Variants in KCNMB2 observed in about 807,000 individuals in gnomAD.
The protein encoded by KCNMB2 is potassium calcium-activated channel subfamily M regulatory beta subunit 2.
Under a neutral mutation model 24.5 loss-of-function variants are expected in KCNMB2, and 9 were observed. That is an observed-to-expected ratio of 0.37 (90% confidence interval 0.22 to 0.64). The LOEUF (loss-of-function observed/expected upper bound fraction) is 0.64, where lower values mean the gene tolerates loss of function less well. Ranked by LOEUF, KCNMB2 falls within the 30% of genes least tolerant of loss-of-function variation. The pLI is 0.63. For missense variants in KCNMB2, 226 were observed against 284.3 expected (o/e 0.79, Z 1.47); for synonymous variants, 109 against 104.4 (o/e 1.04, Z -0.27).
At chr3:178,822,695 A>C (rs1714679964) in intron 2 of KCNMB2, among the ~76,000 whole-genome samples, 2 of 152,200 alleles carry the variant, frequency 1.3e-5, no homozygotes, top group South Asian at 4.1e-4. Context: ...TTTGGGCTGT[A>C]TGAAAATCAT....
At chr3:178,743,983 C>T (rs7624046) in intron 1 of KCNMB2, among the ~76,000 whole-genome samples, 72,885 of 152,048 alleles carry the variant, frequency 0.48, 17,817 homozygotes, top group African/African-American at 0.59. Flanking sequence ...AATTTTAGTT[C>T]AGAGGGTATA....
chr3:178,786,271 G>A (rs889426472), intron 1 of KCNMB2, among the ~76,000 whole-genome samples: 2 of 152,144 alleles, frequency 1.3e-5, no homozygotes, highest in Non-Finnish European at 2.9e-5. Context: ...CAATTGGATA[G>A]AATAGGTCCA....
At chr3:178,822,927 G>C (rs1043058678) in intron 2 of KCNMB2, among the ~76,000 whole-genome samples, 2 of 152,150 alleles carry the variant, frequency 1.3e-5, no homozygotes, top group Non-Finnish European at 2.9e-5. Flanking sequence ...CTCCCTCCTT[G>C]CTGTCTTCTA....
intron 1 of KCNMB2, among the ~76,000 whole-genome samples, chr3:178,730,200 A>G (rs984927631): frequency 2.0e-5 from 3 of 152,188 alleles, no homozygotes; most frequent in African/African-American, 7.2e-5. Context: ...ACAATCACAT[A>G]CTACTAAAAA....
chr3:178,730,405 A>ACCCCCCCCCCCCCC (rs71181246), intron 1 of KCNMB2, among the ~76,000 whole-genome samples: 2 of 112,148 alleles, frequency 1.8e-5, no homozygotes, highest in African/African-American at 3.7e-5. Flanking sequence ...GTCCCCCAAC[A>ACCCCCCCCCCCCCC]CCCCCCCACA....
intron 1 of KCNMB2, among the ~76,000 whole-genome samples, chr3:178,585,926 A>T (rs564656792): frequency 1.3e-5 from 2 of 152,326 alleles, no homozygotes; most frequent in South Asian, 2.1e-4. Context: ...CTGCCATGTA[A>T]GTTTATTAGT....
At chr3:178,620,426 G>T (rs528201836) in intron 1 of KCNMB2, among the ~76,000 whole-genome samples, 2 of 152,100 alleles carry the variant, frequency 1.3e-5, no homozygotes, top group African/African-American at 4.8e-5. Context: ...GAATGAGAGG[G>T]ATATACACAG....
intron 1 of KCNMB2, among the ~76,000 whole-genome samples, chr3:178,783,316 C>T (rs1016089737): frequency 2.6e-4 from 38 of 147,878 alleles, no homozygotes; most frequent in Non-Finnish European, 4.8e-4. Flanking sequence ...TAGTTTTTTC[C>T]AATTCTGTGA....
Position 178,828,109 on chromosome 3 carries a change from T to G in KCNMB2, c.228-69T>G, listed in dbSNP as rs920931754. The G allele has an allele frequency of 1.2e-5, 14 of 1,145,810 alleles. No individual in the cohort carries two copies. The East Asian group carries it at 3.3e-4, about 27-fold the overall frequency. The allele number at this position is 1,145,810 out of a possible 1,614,324, so 71.0% of individuals were successfully genotyped here. ...TCAGCTTCAGGAGATGAGAAATAATTCCCTCGGACTATACCTTTCTCACTA... is the reference window on the plus strand; with the variant it reads ...TCAGCTTCAGGAGATGAGAAATAATGCCCTCGGACTATACCTTTCTCACTA... On this transcript the variant is annotated intron_variant, in intron 3 of 4. Coordinates refer to ENST00000452583, the MANE Select transcript of KCNMB2 (RefSeq NM_181361.3).
chr3:178,780,875 G>T (rs1041922805), intron 1 of KCNMB2, among the ~76,000 whole-genome samples: 1 of 152,084 alleles, frequency 6.6e-6, no homozygotes, highest in African/African-American at 2.4e-5. Flanking sequence ...GATTATTTTT[G>T]ACATTTTATT....
At chr3:178,649,842 T>C (rs1413025318) in intron 1 of KCNMB2, among the ~76,000 whole-genome samples, 1 of 151,588 alleles carries the variant, frequency 6.6e-6, no homozygotes, top group Non-Finnish European at 1.5e-5. Flanking sequence ...TTTTTTCTCC[T>C]TCAGTTCTGC....
chr3:178,581,588 G>C (rs1333339429), intron 1 of KCNMB2, among the ~76,000 whole-genome samples: 1 of 152,184 alleles, frequency 6.6e-6, no homozygotes, highest in Non-Finnish European at 1.5e-5. Flanking sequence ...GCAACCTACA[G>C]AATGGGAGAA....
intron 1 of KCNMB2, among the ~76,000 whole-genome samples, chr3:178,792,664 G>A (rs1180374468): frequency 6.6e-6 from 1 of 152,138 alleles, no homozygotes; most frequent in African/African-American, 2.4e-5. Flanking sequence ...ATGGTCTGTT[G>A]CCTACAAGGA....
At chr3:178,775,230 T>A (rs1712531785) in intron 1 of KCNMB2, among the ~76,000 whole-genome samples, 1 of 152,226 alleles carries the variant, frequency 6.6e-6, no homozygotes, top group South Asian at 2.1e-4. Flanking sequence ...ACATTTTTTT[T>A]AAACACTTGA....
intron 1 of KCNMB2, among the ~76,000 whole-genome samples, chr3:178,696,449 T>C (rs1237882110): frequency 6.6e-6 from 1 of 152,228 alleles, no homozygotes; most frequent in African/African-American, 2.4e-5. Context: ...AATATCCGCC[T>C]TGTCATTTCT....
intron 2 of KCNMB2, chr3:178,824,790 G>T (rs1714772307): frequency 6.6e-6 from 1 of 152,144 alleles, no homozygotes; most frequent in African/African-American, 2.4e-5. Context: ...AAAGACTAAG[G>T]CACTTGTTAT....
chr3:178,591,204 A>G (rs9883011), intron 1 of KCNMB2, among the ~76,000 whole-genome samples: 4,854 of 152,258 alleles, frequency 0.032, 247 homozygotes, highest in African/African-American at 0.11. Context: ...AAAAACCTCA[A>G]ACATCCCTGT....
chr3:178,588,468 G>C (rs112998761), intron 1 of KCNMB2, among the ~76,000 whole-genome samples: 1 of 152,072 alleles, frequency 6.6e-6, no homozygotes, highest in East Asian at 1.9e-4. Flanking sequence ...CACCTGTGTC[G>C]TGTCTATATA....
chr3:178,807,767 ATCT>A (rs773704077), intron 2 of KCNMB2, among the ~76,000 whole-genome samples: 28 of 152,240 alleles, frequency 1.8e-4, no homozygotes, highest in Middle Eastern at 6.8e-3. Flanking sequence ...CACTCCCATC[ATCT>A]TCTTTAACCA....
Sources: gnomAD v4.1 joint callset for allele counts (sites outside exome capture counted in the v4.1 genomes callset) on GRCh38, gnomAD v4.1.1 for gene constraint, MANE v1.5 for transcripts, NCBI Gene and HGNC (gene_info 2026-07-23, HGNC 2026-07-21) for gene names.